The following PLCH1 variants were observed in gnomAD, a reference collection of about 807,000 sequenced individuals.
PLCH1 encodes phospholipase C eta 1, also known as 1-phosphatidylinositol 4,5-bisphosphate phosphodiesterase eta-1.
PLCH1 carries 60 observed loss-of-function variants against 126.7 expected under a neutral mutation model. The observed-to-expected ratio is 0.47, with a 90% CI of 0.38 to 0.59. The LOEUF (loss-of-function observed/expected upper bound fraction) is 0.59. Ranked by LOEUF, PLCH1 falls within the 20% of genes least tolerant of loss-of-function variation. The pLI is 0.00. For synonymous variants in PLCH1, 719 were observed against 734.9 expected (o/e 0.98, Z 0.35); for missense variants, 1,723 against 2,040.0 (o/e 0.84, Z 2.99).
intron 1 of PLCH1, among the ~76,000 whole-genome samples, chr3:155,727,466 C>T (rs1748427564): frequency 6.6e-6 from 1 of 150,896 alleles, no homozygotes; most frequent in Non-Finnish European, 1.5e-5. Context: ...CGGCTCACTG[C>T]AACCTCCCCC....
At chr3:155,665,007 G>T (rs1158576150) in intron 2 of PLCH1, among the ~76,000 whole-genome samples, 12 of 152,070 alleles carry the variant, frequency 7.9e-5, no homozygotes, top group Admixed American at 7.9e-4. Flanking sequence ...TTGCAGTTGG[G>T]TGTGGCCATG....
chr3:155,475,174 A>G (rs1713484197), downstream of PLCH1, among the ~76,000 whole-genome samples: 1 of 152,006 alleles, frequency 6.6e-6, no homozygotes, highest in African/African-American at 2.4e-5. Flanking sequence ...TTTGGAAACT[A>G]TACAAATACA....
chr3:155,473,511 T>A (rs1713380669), intron 21 of PLCH1, among the ~76,000 whole-genome samples: 1 of 149,962 alleles, frequency 6.7e-6, no homozygotes, highest in South Asian at 2.1e-4. Flanking sequence ...CAAGGTAATT[T>A]ACAGATTCAA....
At chr3:155,546,519 A>G (rs564197240) in intron 10 of PLCH1, among the ~76,000 whole-genome samples, 1 of 152,206 alleles carries the variant, frequency 6.6e-6, no homozygotes, top group Non-Finnish European at 1.5e-5. Context: ...GACTTTCTTC[A>G]CAGAATTGGA....
chr3:155,707,009 C>T (rs1041163537), intron 1 of PLCH1, among the ~76,000 whole-genome samples: 1 of 152,022 alleles, frequency 6.6e-6, no homozygotes, highest in East Asian at 1.9e-4. Context: ...GGAGGTGGGA[C>T]CTTTAGTCTC....
chr3:155,619,364 A>G (rs1226969817), intron 2 of PLCH1, among the ~76,000 whole-genome samples: 2 of 152,012 alleles, frequency 1.3e-5, no homozygotes, highest in Non-Finnish European at 1.5e-5. Flanking sequence ...GTTCAACTGC[A>G]TTGTAAAAGG....
At chr3:155,600,189 G>A (rs1247297695) in intron 2 of PLCH1, among the ~76,000 whole-genome samples, 1 of 152,134 alleles carries the variant, frequency 6.6e-6, no homozygotes, top group Non-Finnish European at 1.5e-5. Flanking sequence ...AGAGATAACT[G>A]GTTAGCACCC....
chr3:155,477,801 A>G (rs1391773246), downstream of PLCH1, among the ~76,000 whole-genome samples: 1 of 152,178 alleles, frequency 6.6e-6, no homozygotes, highest in Non-Finnish European at 1.5e-5. Context: ...GTTGGTGGGA[A>G]TATAAATTAG....
At chr3:155,458,731 T>A (rs1712596097) in intron 21 of PLCH1, among the ~76,000 whole-genome samples, 1 of 152,164 alleles carries the variant, frequency 6.6e-6, no homozygotes, top group Non-Finnish European at 1.5e-5. Flanking sequence ...AGATACATTG[T>A]CTATTATTTC....
intron 2 of PLCH1, among the ~76,000 whole-genome samples, chr3:155,685,254 C>T (rs149122902): frequency 1.0e-3 from 152 of 152,266 alleles, no homozygotes; most frequent in Non-Finnish European, 1.9e-3. Context: ...TTGTGAGATA[C>T]GGTAAGGGTA....
intron 2 of PLCH1, among the ~76,000 whole-genome samples, chr3:155,634,855 TG>T: frequency 6.6e-6 from 1 of 152,232 alleles, no homozygotes. Context: ...ACTGGATACC[TG>T]GGTGATTCCT....
intron 21 of PLCH1, among the ~76,000 whole-genome samples, chr3:155,468,872 A>G (rs1713034508): frequency 6.6e-6 from 1 of 152,180 alleles, no homozygotes; most frequent in Non-Finnish European, 1.5e-5. Context: ...TCCAGATAGA[A>G]AATCAACAAA....
At chr3:155,614,183 G>A (rs1460654644) in intron 2 of PLCH1, among the ~76,000 whole-genome samples, 2 of 152,108 alleles carry the variant, frequency 1.3e-5, no homozygotes, top group Admixed American at 1.3e-4. Context: ...CCATGCTCAT[G>A]GACAGGTAGA....
chr3:155,634,684 C>G (rs572877168), intron 2 of PLCH1, among the ~76,000 whole-genome samples: 1 of 152,316 alleles, frequency 6.6e-6, no homozygotes, highest in East Asian at 1.9e-4. Context: ...AAGCAGGGCC[C>G]AGGAGGCATG....
chr3:155,668,084 C>CAAAAAA (rs756879174), intron 2 of PLCH1, among the ~76,000 whole-genome samples: 8 of 37,974 alleles, frequency 2.1e-4, no homozygotes, highest in South Asian at 9.2e-4. Context: ...GACTCCATCT[C>CAAAAAA]AAAAAAAAAA....
intron 2 of PLCH1, among the ~76,000 whole-genome samples, chr3:155,647,157 GCCAA>G (rs1196005348): frequency 6.6e-6 from 1 of 152,010 alleles, no homozygotes; most frequent in Non-Finnish European, 1.5e-5. Context: ...ATCATGCAGG[GCCAA>G]CCCACTTGCT....
intron 18 of PLCH1, among the ~76,000 whole-genome samples, chr3:155,491,444 G>C (rs1192542867): frequency 6.6e-6 from 1 of 151,758 alleles, no homozygotes; most frequent in Admixed American, 6.6e-5. Flanking sequence ...GGTAATTTTT[G>C]TAGAGATGGG....
chr3:155,497,502 A>T lies in PLCH1; in HGVS notation c.1797-85T>A, dbSNP rs556748622. On this transcript the variant is annotated intron_variant, in intron 14 of 22. Transcript: ENST00000460012. ...GGTTATCCCACTTTCCTTATTTAAG[A>T]CAATGATTTAATAGGGAATACCTGC... The T allele has an allele frequency of 3.2e-6, 3 of 946,188 alleles. No homozygotes were observed. The South Asian group carries it at 4.1e-5, about 13-fold the overall frequency. The allele number at this position is 946,188 out of a possible 1,614,324, so 58.6% of individuals were successfully genotyped here. A position where few individuals can be genotyped will look rare whatever the true frequency, so the allele number is the denominator to read the frequency against.
At chr3:155,573,412 G>A (rs1476278770) in intron 6 of PLCH1, among the ~76,000 whole-genome samples, 1 of 152,114 alleles carries the variant, frequency 6.6e-6, no homozygotes, top group Non-Finnish European at 1.5e-5. Context: ...AATTGTGTAG[G>A]GTGGCAAGTC....
Sources: gnomAD v4.1 joint callset for allele counts (sites outside exome capture counted in the v4.1 genomes callset) on GRCh38, gnomAD v4.1.1 for gene constraint, MANE v1.5 for transcripts, NCBI Gene and HGNC (gene_info 2026-07-23, HGNC 2026-07-21) for gene names.